HTR7: variants seen among roughly 807,000 people sequenced by gnomAD.
HTR7 encodes 5-HT-7.
HTR7 carries 16 observed loss-of-function variants against 34.0 expected under a neutral mutation model. That is an observed-to-expected ratio of 0.47 (90% CI 0.32 to 0.71). The LOEUF is 0.71. HTR7 is among the 30% of genes least tolerant of loss of function. The pLI, the probability that HTR7 is intolerant of heterozygous loss-of-function variation, is 0.04. For synonymous variants in HTR7, 265 were observed against 260.2 expected (o/e 1.02, Z -0.18); for missense variants, 504 against 625.5 (o/e 0.81, Z 2.07).
intron 1 of HTR7, among the ~76,000 whole-genome samples, chr10:90,773,721 CTTA>C (rs1321959209): frequency 3.3e-5 from 5 of 152,146 alleles, no homozygotes; most frequent in Admixed American, 1.3e-4. Flanking sequence ...TTGTGCCTGG[CTTA>C]TTTCACTTAA....
chr10:90,820,265 T>C (rs1259391497), intron 1 of HTR7, among the ~76,000 whole-genome samples: 1 of 152,170 alleles, frequency 6.6e-6, no homozygotes, highest in Admixed American at 6.5e-5. Context: ...GGTCCCCTGG[T>C]AATTTAAAGG....
At chr10:90,777,352 G>A (rs986140363) in intron 1 of HTR7, among the ~76,000 whole-genome samples, 1 of 151,852 alleles carries the variant, frequency 6.6e-6, no homozygotes, top group Admixed American at 6.6e-5. Context: ...GTGGTGGTGG[G>A]CGCCTGTAAT....
chr10:90,814,824 TCCCTTTA>T (rs953901869), intron 1 of HTR7, among the ~76,000 whole-genome samples: 31 of 152,184 alleles, frequency 2.0e-4, no homozygotes, highest in African/African-American at 3.1e-4. Context: ...ACCTTTTTAT[TCCCTTTA>T]CCCTAGATTG....
intron 1 of HTR7, among the ~76,000 whole-genome samples, chr10:90,801,258 C>G (rs1016572865): frequency 2.0e-5 from 3 of 152,134 alleles, no homozygotes; most frequent in Non-Finnish European, 4.4e-5. Flanking sequence ...TCCTTAAGCT[C>G]AGAGATCTCA....
At chr10:90,804,336 A>T (rs976194256) in intron 1 of HTR7, among the ~76,000 whole-genome samples, 1 of 152,202 alleles carries the variant, frequency 6.6e-6, no homozygotes, top group African/African-American at 2.4e-5. Context: ...AGGGCAGGGT[A>T]TATGTCTCCC....
intron 1 of HTR7, among the ~76,000 whole-genome samples, chr10:90,764,646 G>C (rs1589440903): frequency 6.6e-6 from 1 of 151,934 alleles, no homozygotes; most frequent in African/African-American, 2.4e-5. Context: ...TTTCTAATTT[G>C]AATGCTTTTT....
intron 1 of HTR7, among the ~76,000 whole-genome samples, chr10:90,811,311 A>G (rs541359962): frequency 6.6e-6 from 1 of 152,182 alleles, no homozygotes; most frequent in East Asian, 1.9e-4. Flanking sequence ...TAAAATCACA[A>G]ACTATGCTCA....
chr10:90,819,165 A>C (rs1845940679), intron 1 of HTR7, among the ~76,000 whole-genome samples: 1 of 152,208 alleles, frequency 6.6e-6, no homozygotes, highest in Non-Finnish European at 1.5e-5. Flanking sequence ...CCCAAAATGA[A>C]GTAAGAGATA....
chr10:90,836,231 T>C (rs1365481374), intron 1 of HTR7, among the ~76,000 whole-genome samples: 1 of 152,108 alleles, frequency 6.6e-6, no homozygotes, highest in Non-Finnish European at 1.5e-5. Flanking sequence ...TGAAGCCTCA[T>C]CAAGCCCCAA....
intron 1 of HTR7, among the ~76,000 whole-genome samples, chr10:90,781,458 A>G (rs1845304409): frequency 6.6e-6 from 1 of 152,228 alleles, no homozygotes; most frequent in African/African-American, 2.4e-5. Flanking sequence ...GGAAACAACT[A>G]GAAAACTAAC....
At chr10:90,848,771 G>C (rs552629475) in intron 1 of HTR7, among the ~76,000 whole-genome samples, 33 of 152,302 alleles carry the variant, frequency 2.2e-4, no homozygotes, top group African/African-American at 7.9e-4. Flanking sequence ...GCTGGGTGTA[G>C]TTAGAATTTG....
In HTR7 at chr10:90,857,130, T is replaced by TA. The variant is rs1286882852; in HGVS notation, c.539+2dup. 1.3e-6 allele frequency: 2 copies of TA among 1,575,080 alleles called. No individual in the cohort carries two copies. Among genetic ancestry groups the TA allele is most frequent in the African/African-American group, 2.7e-5 (2 of 74,178 alleles). ...GCCTGGGACGGGGCGGTCCGGCCCT[T>TA]ACCTGTCAATGCTGATCACGCACAG... On this transcript the variant is annotated splice_region_variant and intron_variant, in intron 1 of 3. Transcript: ENST00000336152. This position sits in a 1 kb window ranked among gnomAD's most constrained non-coding sequence, Gnocchi z 6.5.
At chr10:90,765,299 T>C (rs985822066) in intron 1 of HTR7, among the ~76,000 whole-genome samples, 2 of 152,178 alleles carry the variant, frequency 1.3e-5, no homozygotes, top group Admixed American at 1.3e-4. Flanking sequence ...TCTTCTAGGC[T>C]ACCCCTAGAA....
chr10:90,814,848 T>A (rs1201570001), intron 1 of HTR7, among the ~76,000 whole-genome samples: 1 of 152,110 alleles, frequency 6.6e-6, no homozygotes. Flanking sequence ...ATTGGAGAAA[T>A]TTTTTTAAAA....
chr10:90,815,084 G>T (rs377717797), intron 1 of HTR7, among the ~76,000 whole-genome samples: 30 of 144,988 alleles, frequency 2.1e-4, no homozygotes, highest in Admixed American at 1.2e-3. Flanking sequence ...TTTTTTTTTT[G>T]TTTTTTTTTT....
At chr10:90,764,764 T>C (rs757443120) in intron 1 of HTR7, among the ~76,000 whole-genome samples, 15 of 152,156 alleles carry the variant, frequency 9.9e-5, no homozygotes, top group Non-Finnish European at 2.1e-4. Context: ...AAGAAAACAA[T>C]TTCAGCTTTA....
intron 2 of HTR7, among the ~76,000 whole-genome samples, chr10:90,747,534 C>A (rs142549116): frequency 4.7e-4 from 71 of 152,306 alleles, no homozygotes; most frequent in African/African-American, 1.7e-3. Flanking sequence ...AGTCTTCCAA[C>A]TTTCAGTTGT....
chr10:90,835,278 T>C (rs965853155), intron 1 of HTR7, among the ~76,000 whole-genome samples: 11 of 152,174 alleles, frequency 7.2e-5, no homozygotes, highest in African/African-American at 2.6e-4. Context: ...GCAGGTAAAA[T>C]CCCATTGTAC....
chr10:90,763,576 C>T (rs1346450508), intron 1 of HTR7, among the ~76,000 whole-genome samples: 1 of 152,072 alleles, frequency 6.6e-6, no homozygotes, highest in African/African-American at 2.4e-5. Flanking sequence ...TTTTAAGGCC[C>T]ACATGCATTA....
Sources: gnomAD v4.1 joint callset for allele counts (sites outside exome capture counted in the v4.1 genomes callset) on GRCh38, gnomAD v4.1.1 for gene constraint, Gnocchi (gnomAD v3.1) non-coding constraint, MANE v1.5 for transcripts, NCBI Gene and HGNC (gene_info 2026-07-23, HGNC 2026-07-21) for gene names.